PTPRD: variants seen among roughly 807,000 people sequenced by gnomAD.
The protein encoded by PTPRD is receptor-type tyrosine-protein phosphatase delta.
PTPRD carries 34 observed loss-of-function variants against 214.5 expected under a neutral mutation model. The observed-to-expected ratio is 0.16, with a 90% CI of 0.12 to 0.21. PTPRD has a LOEUF of 0.21. PTPRD is among the 10% of genes least tolerant of loss of function. PTPRD has a pLI of 1.00. For missense variants in PTPRD, 2,545 were observed against 2,398.7 expected (o/e 1.06, Z -1.27); for synonymous variants, 1,128 against 845.7 (o/e 1.33, Z -5.79).
intron 11 of PTPRD, among the ~76,000 whole-genome samples, chr9:8,776,108 G>T (rs918571391): frequency 5.9e-5 from 9 of 152,108 alleles, no homozygotes; most frequent in Non-Finnish European, 2.9e-5. Flanking sequence ...GACTATCATA[G>T]AATTTCCTTG....
intron 14 of PTPRD, among the ~76,000 whole-genome samples, chr9:8,624,487 A>G (rs2154304830): frequency 6.6e-6 from 1 of 152,002 alleles, no homozygotes; most frequent in African/African-American, 2.4e-5. Flanking sequence ...GCCTAGCACT[A>G]TTCTAGATGC....
intron 33 of PTPRD, among the ~76,000 whole-genome samples, chr9:8,456,959 A>G (rs2133952340): frequency 6.6e-6 from 1 of 152,292 alleles, no homozygotes; most frequent in South Asian, 2.1e-4. Flanking sequence ...TTTTTATATA[A>G]ATAATTCTTG....
chr9:8,729,167 G>A (rs1466375454), intron 12 of PTPRD, among the ~76,000 whole-genome samples: 1 of 151,954 alleles, frequency 6.6e-6, no homozygotes, highest in Non-Finnish European at 1.5e-5. Context: ...GTATGTAAGA[G>A]GCAACCGTAC....
Position 10,348,025 on chromosome 9 carries a change from T to C in PTPRD, c.-599-7008A>G, listed in dbSNP as rs577244014. Among the ~76,000 whole-genome samples the C allele has an allele frequency of 2.0e-5, 3 of 152,214 alleles. No individual in the cohort carries two copies. The South Asian group carries it at 6.2e-4, about 32-fold the overall frequency. On this transcript the variant is annotated intron_variant, in intron 2 of 45. Transcript: ENST00000381196. ...GTGACCCGAGATCATGCCACTGCAC[T>C]CCAGCCTGGGAAGCAGAGCAAGACT...
chr9:9,386,911 C>A (rs1031369032), intron 9 of PTPRD, among the ~76,000 whole-genome samples: 8 of 152,104 alleles, frequency 5.3e-5, no homozygotes, highest in African/African-American at 1.7e-4. Flanking sequence ...TTTCCCTTAT[C>A]TAAAGGGAGA....
intron 3 of PTPRD, among the ~76,000 whole-genome samples, chr9:10,074,321 G>C (rs10114854): frequency 6.2e-4 from 94 of 152,160 alleles, no homozygotes; most frequent in African/African-American, 2.2e-3. Context: ...ATGCAAAATA[G>C]CTTGCAGTTT....
chr9:9,893,772 G>A (rs1005328812), intron 5 of PTPRD, among the ~76,000 whole-genome samples: 2 of 152,006 alleles, frequency 1.3e-5, no homozygotes, highest in Non-Finnish European at 2.9e-5. Context: ...TTTAAGCTTG[G>A]TTACCTCCTC....
chr9:8,864,123 A>G (rs539571148), intron 11 of PTPRD, among the ~76,000 whole-genome samples: 150 of 152,340 alleles, frequency 9.8e-4, no homozygotes, highest in African/African-American at 3.4e-3. Flanking sequence ...TGTGAGGAGG[A>G]TTCTTTGAAA....
intron 9 of PTPRD, among the ~76,000 whole-genome samples, chr9:9,286,004 C>A (rs1338250106): frequency 2.6e-5 from 4 of 151,726 alleles, no homozygotes; most frequent in Non-Finnish European, 5.9e-5. Flanking sequence ...CCTTGTATAG[C>A]CTCATTTCCA....
Position 10,271,534 on chromosome 9 carries a change from C to CTTTTTTTTTTTT in PTPRD, c.-545+69428_-545+69429insAAAAAAAAAAAA, listed in dbSNP as rs1251429330. ...CCAATACTGATAAATTCAATTGTTT[C>CTTTTTTTTTTTT]TTTTCTTTTCTTTTCTTTTTTTTTT... On this transcript the variant is annotated intron_variant, in intron 3 of 45. Transcript: ENST00000381196. Among the ~76,000 whole-genome samples the CTTTTTTTTTTTT allele has an allele frequency of 2.3e-5, 2 of 86,572 alleles. 1 individual carries two copies. Among genetic ancestry groups the CTTTTTTTTTTTT allele is most frequent in the Non-Finnish European group, 5.9e-5 (2 of 33,648 alleles). The allele number at this position is 86,572 out of a possible 152,430, so 56.8% of individuals were successfully genotyped here.
At chr9:9,880,779 G>A (rs1298039868) in intron 5 of PTPRD, among the ~76,000 whole-genome samples, 1 of 152,120 alleles carries the variant, frequency 6.6e-6, no homozygotes, top group African/African-American at 2.4e-5. Context: ...AGCCAAGCAT[G>A]TATTTCTATT....
chr9:9,420,642 T>G (rs1034662195), intron 8 of PTPRD, among the ~76,000 whole-genome samples: 1 of 151,852 alleles, frequency 6.6e-6, no homozygotes, highest in Non-Finnish European at 1.5e-5. Context: ...TTAGTGAAAG[T>G]TGGAAACAAC....
intron 8 of PTPRD, among the ~76,000 whole-genome samples, chr9:9,548,841 A>C (rs7866904): frequency 0.2 from 30,657 of 152,032 alleles, 3,439 homozygotes; most frequent in Non-Finnish European, 0.24. Context: ...ATATCCCTTA[A>C]AAGAAAACTT....
intron 14 of PTPRD, among the ~76,000 whole-genome samples, chr9:8,623,289 A>G (rs1013611216): frequency 6.6e-6 from 1 of 151,942 alleles, no homozygotes; most frequent in Non-Finnish European, 1.5e-5. Context: ...GTTTTTTAGG[A>G]TAAAAGGAAA....
intron 3 of PTPRD, among the ~76,000 whole-genome samples, chr9:10,284,138 C>A (rs1596127775): frequency 6.6e-6 from 1 of 152,132 alleles, no homozygotes; most frequent in Non-Finnish European, 1.5e-5. Context: ...CCTACAAATT[C>A]TGTGGAGTTA....
chr9:9,663,605 A>G (rs967313479), intron 7 of PTPRD, among the ~76,000 whole-genome samples: 1 of 151,616 alleles, frequency 6.6e-6, no homozygotes, highest in Non-Finnish European at 1.5e-5. Flanking sequence ...CTTGTTGCTC[A>G]ATTTAAAAAC....
chr9:10,308,056 A>T lies in PTPRD; in HGVS notation c.-545+32907T>A, dbSNP rs192554280. Among the ~76,000 whole-genome samples, 6 of 151,692 alleles carry T rather than the reference A, an allele frequency of 4.0e-5. No individual in the cohort carries two copies. In the East Asian group the frequency reaches 9.7e-4, roughly 25 times the overall value. ...TGATTTTTTTTCCCTTGCTGTGCAG[A>T]GTTTTTAGTTTAATATAGTTTTATT... On this transcript the variant is annotated intron_variant, in intron 3 of 45. Transcript: ENST00000381196.
At position 8,996,046 on chromosome 9, in the gene PTPRD, C is replaced by A. The variant is rs148195626; in HGVS notation, c.-104+22651G>T. ...AATGCTATTTTGAAAAACAGTTTGGCAGTTTCTTATAAAGGTAAACATACA... is the reference window on the plus strand; with the variant it reads ...AATGCTATTTTGAAAAACAGTTTGGAAGTTTCTTATAAAGGTAAACATACA... On this transcript the variant is annotated intron_variant, in intron 11 of 45. Transcript: ENST00000381196. Among the ~76,000 whole-genome samples the A allele has an allele frequency of 4.2e-3, 646 of 152,120 alleles. 5 individuals carry two copies. Among genetic ancestry groups the A allele is most frequent in the African/African-American group, 0.015 (604 of 41,512 alleles).
intron 9 of PTPRD, among the ~76,000 whole-genome samples, chr9:9,227,366 A>G (rs956690127): frequency 6.6e-6 from 1 of 152,152 alleles, no homozygotes; most frequent in East Asian, 1.9e-4. Flanking sequence ...GTGAAATTAC[A>G]ACCTCAGCCC....
Sources: allele counts gnomAD v4.1 joint callset (sites outside exome capture counted in the v4.1 genomes callset), GRCh38; gene constraint gnomAD v4.1.1; transcripts MANE v1.5; gene names NCBI Gene and HGNC (gene_info 2026-07-23, HGNC 2026-07-21).